Variants in MBTPS2 observed in about 807,000 individuals in gnomAD.
MBTPS2 encodes the protein membrane bound transcription factor peptidase, site 2.
A neutral mutation model predicts 35.4 loss-of-function variants in MBTPS2; 2 were observed. The ratio of observed to expected loss-of-function variants is 0.06; its 90% CI spans 0.02 to 0.18. MBTPS2 has a LOEUF of 0.18. MBTPS2 is among the 10% of genes least tolerant of loss of function. The pLI, the probability that MBTPS2 is intolerant of heterozygous loss-of-function variation, is 1.00. For synonymous variants in MBTPS2, 125 were observed against 140.4 expected, an observed-to-expected ratio of 0.89 and a Z score of 0.77; for missense variants, 244 against 386.5, an observed-to-expected ratio of 0.63 and a Z score of 3.09.
intron 5 of MBTPS2, among the ~76,000 whole-genome samples, chrX:21,861,232 A>G (rs931061354): frequency 5.4e-5 from 6 of 112,082 alleles, no homozygotes; most frequent in Non-Finnish European, 7.5e-5. Context: ...AAAAATGTCA[A>G]TTATGAGAGT....
At position 21,884,506 on chromosome X, in the gene MBTPS2, G is replaced by A. The variant is rs887102009; in HGVS notation, c.*1851G>A. On this transcript the variant is annotated 3_prime_UTR_variant, in exon 11 of 11. Transcript: ENST00000379484. ...AATTTATTTTTCTGAGTAAAAAAAC[G>A]AAACCCAAATCTCATTTTATTTCAA... is the stretch of plus-strand genomic sequence containing the variant. 6.7e-6 allele frequency: 5 copies of A among 751,130 alleles called. No individual in the cohort carries two copies. Among genetic ancestry groups the A allele is most frequent in the East Asian group, 1.5e-4 (1 of 6,628 alleles). 61.9% of individuals were successfully genotyped at this position (751,130 alleles called of 1,213,427 possible).
chrX:21,859,186 TA>T (rs898126538), intron 5 of MBTPS2, among the ~76,000 whole-genome samples: 7 of 112,114 alleles, frequency 6.2e-5, no homozygotes, highest in Non-Finnish European at 1.1e-4. Flanking sequence ...TTTTAAATTG[TA>T]AAAAAATTCA....
At chrX:21,862,949 T>C (rs561031103) in intron 5 of MBTPS2, among the ~76,000 whole-genome samples, 2 of 51,059 alleles carry the variant, frequency 3.9e-5, no homozygotes, top group African/African-American at 1.8e-4. Flanking sequence ...TATATATATA[T>C]ATATATATAT....
chrX:21,857,516 C>G, intron 5 of MBTPS2: 1 of 1,212,055 alleles, frequency 8.3e-7, no homozygotes, highest in Non-Finnish European at 1.1e-6. Flanking sequence ...TCGTGTGCCC[C>G]TTCGATGTTT....
intron 5 of MBTPS2, chrX:21,858,625 C>G: frequency 2.4e-5 from 3 of 124,657 alleles, no homozygotes. Context: ...TGCAGGGGCT[C>G]AGGCCTGTAA....
Position 21,885,297 on chromosome X carries a change from G to A in MBTPS2, c.*2642G>A, listed in dbSNP as rs1021169598. The A allele has an allele frequency of 5.6e-5, 42 of 750,186 alleles. No homozygotes were observed. The African/African-American group carries it at 9.5e-4, about 17-fold the overall frequency. 61.8% of individuals were successfully genotyped at this position (750,186 alleles called of 1,213,427 possible). On this transcript the variant is annotated 3_prime_UTR_variant, in exon 11 of 11. Transcript: ENST00000379484. ...GTTCACATACTAATGGTGCACAGGT[G>A]TTTTTTTCTATAAATCTTCTGACTG...
At chrX:21,867,768 A>G (rs1481543696) in intron 5 of MBTPS2, among the ~76,000 whole-genome samples, 1 of 109,247 alleles carries the variant, frequency 9.2e-6, no homozygotes, top group Admixed American at 9.8e-5. Context: ...CCTCACAAGC[A>G]ACTGGGACTA....
At position 21,850,733 on chromosome X, in the gene MBTPS2, G is replaced by A. The variant is rs1445505456; in HGVS notation, c.439-776G>A. 6.3e-5 allele frequency among the ~76,000 whole-genome samples: 7 copies of A among 111,653 alleles called. 1 individual carries two copies. The East Asian group carries it at 2.0e-3, about 31-fold the overall frequency. On this transcript the variant is annotated intron_variant, in intron 3 of 10. Coordinates refer to ENST00000379484, the MANE Select transcript of MBTPS2 (RefSeq NM_015884.4). ...CTGTGCAGCTCTTATCTTCCCTTGT[G>A]TATGCAATAATATATACCTGCACAT...
In MBTPS2 at chrX:21,845,472, T is replaced by A; in HGVS notation, c.438+88T>A. 4.6e-6 allele frequency: 4 copies of A among 868,231 alleles called. 1 individual carries two copies. The highest frequency in any genetic ancestry group is 6.3e-6 in the Non-Finnish European group (4 of 634,063). 71.6% of individuals were successfully genotyped at this position (868,231 alleles called of 1,213,427 possible). On this transcript the variant is annotated intron_variant, in intron 3 of 10. Transcript: ENST00000379484. The stretch of plus-strand genomic sequence containing the variant: ...TCTAGTGTAACTCCTATCCATAATA[T>A]AAATATGAAAATAAATTAAAAGTCT...
At position 21,857,153 on chromosome X, in the gene MBTPS2, G is replaced by C. The variant is rs776241984; in HGVS notation, c.670+3650G>C. ...AAGGGAAGAAACTTCCTCCTGGGGG[G>C]TTACCAGGCATTGATCTCTCAGATC... On this transcript the variant is annotated intron_variant, in intron 5 of 10. Coordinates refer to ENST00000379484, the MANE Select transcript of MBTPS2 (RefSeq NM_015884.4). 8.8e-5 allele frequency: 107 copies of C among 1,210,053 alleles called. 1 individual carries two copies. The South Asian group carries it at 1.7e-3, about 19-fold the overall frequency.
Position 21,878,643 on chromosome X carries a change from T to C in MBTPS2, c.1212T>C (p.Pro404=). The stretch of plus-strand genomic sequence containing the variant: ...GCTTAATAAAAGTAAAACACCCACC[T>C]CAGATTGATATGTTATACGTAGGAC... The part of the protein sequence containing the change: ...HTRLIKVKHP[P]QIDMLYVGHP... The change falls in exon 9 of 11, where the codon CCT becomes CCC. Residue 404 remains proline (P), a synonymous_variant. Transcript: ENST00000379484. 8.3e-7 allele frequency: 1 copy of C among 1,208,385 alleles called. No homozygotes were observed. The highest frequency in any genetic ancestry group is 1.7e-5 in the African/African-American group (1 of 57,673).
At chrX:21,851,732 C>G in intron 4 of MBTPS2, 120 bp downstream of exon 4, 1 of 540,414 alleles carries the variant, frequency 1.9e-6, no homozygotes, top group Non-Finnish European at 3.3e-6. Flanking sequence ...GCGGCTATTG[C>G]CTAGTGCATA....
intron 7 of MBTPS2, chrX:21,871,882 C>G (rs1047770033): frequency 2.6e-4 from 28 of 109,607 alleles, no homozygotes; most frequent in African/African-American, 6.9e-4. Flanking sequence ...GATTCAGAAT[C>G]CTTTTTTTTT....
At position 21,869,625 on chromosome X, in the gene MBTPS2, T is replaced by C. The variant is rs769260473; in HGVS notation, c.917T>C (p.Ile306Thr). ...CLDTIAYEPQ[I>T]GYCISASTLQ... ...GATACCATCGCCTATGAGCCCCAAA[T>C]TGGTTACTGTATAAGTGCATCAACT... The change falls in exon 7 of 11, where the codon ATT becomes ACT. Residue 306 changes from isoleucine to threonine, a missense_variant. Ile to Thr is a moderately conservative substitution (Grantham distance 89). Coordinates refer to ENST00000379484, the MANE Select transcript of MBTPS2 (RefSeq NM_015884.4). The C allele has an allele frequency of 1.8e-5, 22 of 1,208,805 alleles. No homozygotes were observed. In the African/African-American group the frequency reaches 3.3e-4, roughly 18 times the overall value.
At chrX:21,877,272 T>C (rs958510928) in intron 7 of MBTPS2, among the ~76,000 whole-genome samples, 2 of 111,610 alleles carry the variant, frequency 1.8e-5, no homozygotes, top group Admixed American at 9.5e-5. Context: ...TGAAACCCCA[T>C]GTCTACTAAA....
chrX:21,841,343 T>C (rs1267553671), intron 1 of MBTPS2, among the ~76,000 whole-genome samples: 6 of 85,885 alleles, frequency 7.0e-5, no homozygotes, highest in African/African-American at 2.8e-4. Flanking sequence ...ATCTCTTGAG[T>C]CTGAGAGTCA....
Position 21,868,452 on chromosome X carries a change from T to C in MBTPS2, c.671-15T>C. On this transcript the variant is annotated splice_polypyrimidine_tract_variant and intron_variant, in intron 5 of 10. Coordinates refer to ENST00000379484, the MANE Select transcript of MBTPS2 (RefSeq NM_015884.4). ...CCCCCGGTTGAGCTTATTGCTTTTT[T>C]TCCTCTCTTTCCAGGTATCTGGCAT... The C allele has an allele frequency of 2.7e-6, 3 of 1,095,091 alleles. No homozygotes were observed. The highest frequency in any genetic ancestry group is 3.8e-6 in the Non-Finnish European group (3 of 789,216). The allele number at this position is 1,095,091 out of a possible 1,213,427, so 90.2% of individuals were successfully genotyped here.
At chrX:21,850,709 T>G (rs2092913850) in intron 3 of MBTPS2, among the ~76,000 whole-genome samples, 1 of 111,814 alleles carries the variant, frequency 8.9e-6, no homozygotes, top group Non-Finnish European at 1.9e-5. Flanking sequence ...AAAAATTTGC[T>G]GTGCAGCTCT....
intron 7 of MBTPS2, 138 bp downstream of exon 7, chrX:21,869,816 A>G: frequency 2.0e-6 from 1 of 503,056 alleles, no homozygotes; most frequent in Non-Finnish European, 3.4e-6. Context: ...ATTCCAACCA[A>G]TAGACATTTT....
Sources: gnomAD v4.1 joint callset for allele counts (sites outside exome capture counted in the v4.1 genomes callset) on GRCh38, gnomAD v4.1.1 for gene constraint, MANE v1.5 for transcripts, NCBI Gene and HGNC (gene_info 2026-07-23, HGNC 2026-07-21) for gene names.